The following ACVR1C variants were observed in gnomAD, a reference collection of about 807,000 sequenced individuals.
ACVR1C encodes the protein activin receptor type-1C.
In ACVR1C, 23 loss-of-function variants were observed where a neutral mutation model predicts 57.9. The observed-to-expected ratio is 0.40, with a 90% CI of 0.29 to 0.56. The LOEUF (loss-of-function observed/expected upper bound fraction) is 0.56. Ranked by LOEUF, ACVR1C falls within the 20% of genes least tolerant of loss-of-function variation. The pLI is 0.50. For synonymous variants in ACVR1C, 214 were observed against 215.3 expected (o/e 0.99, Z 0.05); for missense variants, 480 against 607.9 (o/e 0.79, Z 2.21).
chr2:157,619,567 T>G (rs1038425808), intron 1 of ACVR1C, among the ~76,000 whole-genome samples: 2 of 152,024 alleles, frequency 1.3e-5, no homozygotes, highest in African/African-American at 4.8e-5. Flanking sequence ...GTGGCTGCTT[T>G]CATACTACAA....
Position 157,527,322 on chromosome 2 carries a change from A to G in ACVR1C, c.*6596T>C, listed in dbSNP as rs1050669264. 8.5e-5 allele frequency: 13 copies of G among 152,158 alleles called. No individual in the cohort carries two copies. Among genetic ancestry groups the G allele is most frequent in the African/African-American group, 2.9e-4 (12 of 41,426 alleles). 9.4% of individuals were successfully genotyped at this position (152,158 alleles called of 1,614,324 possible). A position where few individuals can be genotyped will look rare whatever the true frequency, so the allele number is the denominator to read the frequency against. On this transcript the variant is annotated 3_prime_UTR_variant, in exon 9 of 9. Coordinates refer to ENST00000243349, the MANE Select transcript of ACVR1C (RefSeq NM_145259.3). ...CTTTGGGCCTGTCGGCTGAAAGACA[A>G]TCTTTTTACATACTTAAGAGTATCA...
chr2:157,600,113 G>A (rs1682246540), intron 1 of ACVR1C, among the ~76,000 whole-genome samples: 1 of 152,168 alleles, frequency 6.6e-6, no homozygotes, highest in South Asian at 2.1e-4. Context: ...CCAAGTTGTT[G>A]CCCTAGAATC....
chr2:157,563,057 C>T (rs1257652174), intron 2 of ACVR1C, among the ~76,000 whole-genome samples: 1 of 152,146 alleles, frequency 6.6e-6, no homozygotes, highest in Non-Finnish European at 1.5e-5. Flanking sequence ...TGAAAACCAG[C>T]ACAAAACAAG....
intron 1 of ACVR1C, among the ~76,000 whole-genome samples, chr2:157,596,031 C>T (rs1417941482): frequency 6.6e-6 from 1 of 152,318 alleles, no homozygotes; most frequent in Middle Eastern, 3.4e-3. Context: ...GTTTTATCTA[C>T]CATCACATCC....
chr2:157,549,402 C>G (rs1687854911), intron 4 of ACVR1C, among the ~76,000 whole-genome samples: 1 of 152,026 alleles, frequency 6.6e-6, no homozygotes, highest in Non-Finnish European at 1.5e-5. Context: ...TACTCCTTTG[C>G]CCTAGACACC....
chr2:157,616,935 G>T (rs1296906747), intron 1 of ACVR1C, among the ~76,000 whole-genome samples: 2 of 151,760 alleles, frequency 1.3e-5, no homozygotes, highest in Non-Finnish European at 2.9e-5. Context: ...ATAATAAAAA[G>T]AAAAATAAAT....
chr2:157,617,406 A>G (rs1573958490), intron 1 of ACVR1C, among the ~76,000 whole-genome samples: 1 of 152,174 alleles, frequency 6.6e-6, no homozygotes, highest in East Asian at 1.9e-4. Context: ...ACCTCACCTA[A>G]TTGGCATTTA....
At chr2:157,616,299 T>C (rs1032211375) in intron 1 of ACVR1C, among the ~76,000 whole-genome samples, 1 of 152,184 alleles carries the variant, frequency 6.6e-6, no homozygotes, top group Non-Finnish European at 1.5e-5. Context: ...TTTCTAGTGA[T>C]ACATCTTCAA....
intron 7 of ACVR1C, among the ~76,000 whole-genome samples, chr2:157,538,975 A>C (rs1687555337): frequency 6.7e-6 from 1 of 148,558 alleles, no homozygotes; most frequent in Non-Finnish European, 1.5e-5. Flanking sequence ...ATAACACATA[A>C]TTTTATAATT....
chr2:157,580,287 C>A (rs1427511692), intron 2 of ACVR1C, among the ~76,000 whole-genome samples: 1 of 152,070 alleles, frequency 6.6e-6, no homozygotes, highest in African/African-American at 2.4e-5. Context: ...CCTTTTATAG[C>A]AGCTGGGTTT....
chr2:157,624,709 G>A (rs1032024608), intron 1 of ACVR1C, among the ~76,000 whole-genome samples: 1 of 152,160 alleles, frequency 6.6e-6, no homozygotes, highest in Non-Finnish European at 1.5e-5. Context: ...CAGTAACGGA[G>A]CTAGAACAGG....
intron 2 of ACVR1C, among the ~76,000 whole-genome samples, chr2:157,584,842 T>C (rs564160504): frequency 2.0e-5 from 3 of 152,216 alleles, no homozygotes; most frequent in Non-Finnish European, 4.4e-5. Flanking sequence ...TGCACGTCAA[T>C]GGATGAATGG....
intron 2 of ACVR1C, among the ~76,000 whole-genome samples, chr2:157,581,231 A>C (rs1688782288): frequency 6.6e-6 from 1 of 152,210 alleles, no homozygotes; most frequent in South Asian, 2.1e-4. Context: ...TAAAAAACAC[A>C]AGGAAAGAAG....
chr2:157,555,712 TTAAA>T (rs1177772459), intron 3 of ACVR1C, among the ~76,000 whole-genome samples: 1 of 152,172 alleles, frequency 6.6e-6, no homozygotes, highest in Non-Finnish European at 1.5e-5. Context: ...ACTCAACACC[TTAAA>T]TACCACAACC....
intron 1 of ACVR1C, among the ~76,000 whole-genome samples, chr2:157,628,246 A>G (rs778430720): frequency 6.6e-6 from 1 of 151,598 alleles, no homozygotes; most frequent in Non-Finnish European, 1.5e-5. Flanking sequence ...CGCACCCACA[A>G]ACGCTCTCCT....
intron 1 of ACVR1C, among the ~76,000 whole-genome samples, chr2:157,615,351 T>A (rs1317502992): frequency 6.7e-6 from 1 of 148,264 alleles, no homozygotes; most frequent in Non-Finnish European, 1.5e-5. Flanking sequence ...AGTAGCCAGG[T>A]GTGGTGCATG....
intron 3 of ACVR1C, among the ~76,000 whole-genome samples, chr2:157,554,712 C>T (rs1382829361): frequency 6.6e-6 from 1 of 152,110 alleles, no homozygotes; most frequent in Non-Finnish European, 1.5e-5. Flanking sequence ...TGTTATCAGC[C>T]CTCTGTTGCC....
intron 2 of ACVR1C, among the ~76,000 whole-genome samples, chr2:157,586,022 C>T (rs548821894): frequency 2.0e-5 from 3 of 152,078 alleles, no homozygotes; most frequent in Non-Finnish European, 4.4e-5. Flanking sequence ...TATTACATAA[C>T]ACTGAATCAT....
intron 1 of ACVR1C, among the ~76,000 whole-genome samples, chr2:157,599,314 CAAAAAAAAAAAAAAAAAAAAA>C (rs60182304): frequency 5.7e-4 from 23 of 40,604 alleles, no homozygotes; most frequent in East Asian, 1.8e-3. Flanking sequence ...AGCCTGGGCT[CAAAAAAAAAAAAAAAAAAAAA>C]AAAAAAAAAA....
Sources: allele counts gnomAD v4.1 joint callset (sites outside exome capture counted in the v4.1 genomes callset), GRCh38; gene constraint gnomAD v4.1.1; transcripts MANE v1.5; gene names NCBI Gene and HGNC (gene_info 2026-07-23, HGNC 2026-07-21).